Variants in GLIS1 observed in about 807,000 individuals in gnomAD.
GLIS1 encodes GLIS family zinc finger 1.
A neutral mutation model predicts 63.8 loss-of-function variants in GLIS1; 24 were observed. That is an observed-to-expected ratio of 0.38 (90% confidence interval 0.27 to 0.53). GLIS1 has a LOEUF of 0.53. Among genes scored for constraint, GLIS1 ranks in the 20% least tolerant of loss-of-function variants. The probability of loss-of-function intolerance (pLI) is 0.85; values close to 1 mark genes in which losing one functional copy is unlikely to be tolerated. For synonymous variants in GLIS1, 450 were observed against 482.5 expected (o/e 0.93, Z 0.88); for missense variants, 1,036 against 1,074.1 (o/e 0.96, Z 0.50).
intron 2 of GLIS1, among the ~76,000 whole-genome samples, chr1:53,724,068 A>G (rs895240621): frequency 6.6e-6 from 1 of 152,182 alleles, no homozygotes; most frequent in East Asian, 1.9e-4. Flanking sequence ...GAACACTCTG[A>G]GAATAGGACA....
chr1:53,525,720 C>G (rs1419195958), intron 5 of GLIS1, among the ~76,000 whole-genome samples: 2 of 151,892 alleles, frequency 1.3e-5, no homozygotes, highest in Admixed American at 1.3e-4. Flanking sequence ...TGGTGGCTCC[C>G]TGGTGCCCTA....
At chr1:53,688,280 C>T (rs369661284) in intron 2 of GLIS1, among the ~76,000 whole-genome samples, 2 of 152,356 alleles carry the variant, frequency 1.3e-5, no homozygotes. Context: ...ATAAATCCGT[C>T]TGAGTCTGTA....
chr1:53,597,176 TAAAAAAAAAAAAAAAAAA>T (rs57607550), intron 3 of GLIS1, among the ~76,000 whole-genome samples: 12 of 19,328 alleles, frequency 6.2e-4, no homozygotes, highest in South Asian at 5.1e-3. Context: ...CTGTCTCTAC[TAAAAAAAAAAAAAAAAAA>T]AAAAAAAAAA....
At chr1:53,638,226 G>C (rs1465314438) in intron 2 of GLIS1, among the ~76,000 whole-genome samples, 2 of 152,198 alleles carry the variant, frequency 1.3e-5, no homozygotes, top group Admixed American at 6.5e-5. Flanking sequence ...CTCGGGGAAA[G>C]GGAGGGTTCC....
At chr1:53,549,133 T>G (rs187634246) in intron 4 of GLIS1, among the ~76,000 whole-genome samples, 1 of 152,380 alleles carries the variant, frequency 6.6e-6, no homozygotes, top group African/African-American at 2.4e-5. Flanking sequence ...TTTTGATGGC[T>G]AAATATTTTC....
chr1:53,666,134 G>A (rs1646088712), intron 2 of GLIS1, among the ~76,000 whole-genome samples: 1 of 152,146 alleles, frequency 6.6e-6, no homozygotes, highest in Non-Finnish European at 1.5e-5. Context: ...GCACTAGCTG[G>A]CTCAAGGACC....
At chr1:53,706,436 T>C (rs1646580033) in intron 2 of GLIS1, among the ~76,000 whole-genome samples, 1 of 152,200 alleles carries the variant, frequency 6.6e-6, no homozygotes, top group South Asian at 2.1e-4. Context: ...GCTCTTTCTG[T>C]CCTTCTTCAG....
rs1646942122 is a variant in GLIS1, at chr1:53,739,112, C to T, written c.-50G>A. On this transcript the variant is annotated 5_prime_UTR_variant, in exon 1 of 11. Transcript: ENST00000628545. ...GGCCGCGCCCCCTCTCACCTCGCAG[C>T]GGCAGCTGCAGATCGCTGGGCGCCC... is the stretch of plus-strand genomic sequence containing the variant. Among the ~76,000 whole-genome samples, 1 of 151,464 alleles carries T rather than the reference C, an allele frequency of 6.6e-6. No individual in the cohort carries two copies. Among genetic ancestry groups the T allele is most frequent in the African/African-American group, 2.4e-5 (1 of 41,344 alleles).
intron 2 of GLIS1, among the ~76,000 whole-genome samples, chr1:53,647,739 A>G (rs1230099754): frequency 6.6e-6 from 1 of 152,218 alleles, no homozygotes; most frequent in Non-Finnish European, 1.5e-5. Flanking sequence ...AATAAACTAG[A>G]TTATTTTGAA....
In GLIS1 at chr1:53,699,045, T is replaced by G. The variant is rs1314593032; in HGVS notation, c.259+38761A>C. Among the ~76,000 whole-genome samples the G allele has an allele frequency of 4.0e-5, 5 of 123,808 alleles. No individual in the cohort carries two copies. The Admixed American group carries it at 4.3e-4, about 11-fold the overall frequency. 81.2% of individuals were successfully genotyped at this position (123,808 alleles called of 152,430 possible). ...CATGATTGTTTTTTGTTTTGTTTTT[T>G]GTTTGTTTGTTTTTTATTTTTATTT... On this transcript the variant is annotated intron_variant, in intron 2 of 10. Transcript: ENST00000628545.
At chr1:53,696,622 C>G (rs540739123) in intron 2 of GLIS1, among the ~76,000 whole-genome samples, 3 of 151,600 alleles carry the variant, frequency 2.0e-5, no homozygotes, top group Non-Finnish European at 4.4e-5. Flanking sequence ...CCCACCCGGC[C>G]ATGCTCATGA....
In GLIS1 at chr1:53,524,715, G is replaced by T. The variant is rs1162588789; in HGVS notation, c.1593+62C>A. 4 of 1,186,800 alleles carry T rather than the reference G, an allele frequency of 3.4e-6. No individual in the cohort carries two copies. The African/African-American group carries it at 6.0e-5, about 18-fold the overall frequency. 73.5% of individuals were successfully genotyped at this position (1,186,800 alleles called of 1,614,324 possible). A position where few individuals can be genotyped will look rare whatever the true frequency, so the allele number is the denominator to read the frequency against. The stretch of plus-strand genomic sequence containing the variant: ...ATGCATGTGTTGAGGGTGGGCACCT[G>T]GCCTGATGCGGTGCAGGCGGCTGCG... On this transcript the variant is annotated intron_variant, in intron 6 of 10. Coordinates refer to ENST00000628545, the MANE Select transcript of GLIS1 (RefSeq NM_001367484.1).
At chr1:53,519,947 C>G (rs1644389813) in intron 7 of GLIS1, among the ~76,000 whole-genome samples, 1 of 152,232 alleles carries the variant, frequency 6.6e-6, no homozygotes, top group Admixed American at 6.5e-5. Context: ...CAGAGCCTCT[C>G]TTGCTGATGC....
intron 4 of GLIS1, among the ~76,000 whole-genome samples, chr1:53,547,421 C>A (rs1644714669): frequency 6.6e-6 from 1 of 152,246 alleles, no homozygotes; most frequent in Admixed American, 6.5e-5. Flanking sequence ...GGTCTGGCCA[C>A]CTCCATCTCC....
At chr1:53,660,771 T>C (rs1570004669) in intron 2 of GLIS1, among the ~76,000 whole-genome samples, 1 of 152,154 alleles carries the variant, frequency 6.6e-6, no homozygotes, top group Non-Finnish European at 1.5e-5. Context: ...GCTCTCCTGG[T>C]GCTCAGGTTT....
chr1:53,516,670 G>A (rs747056793), intron 7 of GLIS1, among the ~76,000 whole-genome samples: 3 of 151,862 alleles, frequency 2.0e-5, no homozygotes, highest in Non-Finnish European at 4.4e-5. Flanking sequence ...AAAATTAGTC[G>A]GGCGTGGTGG....
At chr1:53,611,243 T>A (rs997933084) in intron 2 of GLIS1, among the ~76,000 whole-genome samples, 2 of 152,226 alleles carry the variant, frequency 1.3e-5, no homozygotes, top group South Asian at 4.2e-4. Context: ...ACACGCACTA[T>A]CATGCTCAGC....
intron 2 of GLIS1, among the ~76,000 whole-genome samples, chr1:53,630,497 C>CT (rs5774154): frequency 0.013 from 1,931 of 145,034 alleles, 42 homozygotes; most frequent in African/African-American, 0.045. Context: ...CAATTTCTTT[C>CT]TTTTTTTTTT....
rs5774154 is a variant in GLIS1 at position 53,630,497 on chromosome 1, C to CTT, written c.260-30221_260-30220dup. Among the ~76,000 whole-genome samples, 1,294 of 145,062 alleles carry CTT rather than the reference C, an allele frequency of 8.9e-3. 21 individuals carry two copies. Among genetic ancestry groups the CTT allele is most frequent in the African/African-American group, 0.031 (1,212 of 39,642 alleles). On this transcript the variant is annotated intron_variant, in intron 2 of 10. Coordinates refer to ENST00000628545, the MANE Select transcript of GLIS1 (RefSeq NM_001367484.1). ...TGACTGTGAGGGGACCAATTTCTTT[C>CTT]TTTTTTTTTTTTTTCTTTGACAGAG...
Sources: allele counts gnomAD v4.1 joint callset (sites outside exome capture counted in the v4.1 genomes callset), GRCh38; gene constraint gnomAD v4.1.1; transcripts MANE v1.5; gene names NCBI Gene and HGNC (gene_info 2026-07-23, HGNC 2026-07-21).